Variants in NIPAL2 observed in about 807,000 individuals in gnomAD.
NIPAL2 encodes NIPA like domain containing 2.
NIPAL2 carries 43 observed loss-of-function variants against 48.9 expected under a neutral mutation model. That is an observed-to-expected ratio of 0.88 (90% CI 0.69 to 1.13). The LOEUF (loss-of-function observed/expected upper bound fraction) is 1.13. Among genes scored for constraint, NIPAL2 ranks in the 50% most tolerant of loss-of-function variants. The pLI, the probability that NIPAL2 is intolerant of heterozygous loss-of-function variation, is 0.00. For missense variants in NIPAL2, 446 were observed against 461.4 expected (o/e 0.97, Z 0.31); for synonymous variants, 167 against 174.6 (o/e 0.96, Z 0.34).
chr8:98,213,503 C>A (rs549135998), intron 5 of NIPAL2, among the ~76,000 whole-genome samples: 30 of 152,118 alleles, frequency 2.0e-4, no homozygotes, highest in Non-Finnish European at 1.5e-5. Flanking sequence ...ATCCAAACTC[C>A]CTCCTGGATC....
At chr8:98,272,296 C>T (rs570370033) in intron 1 of NIPAL2, among the ~76,000 whole-genome samples, 22 of 152,144 alleles carry the variant, frequency 1.4e-4, no homozygotes, top group Non-Finnish European at 2.5e-4. Context: ...TCATCAAGAG[C>T]GGAGGTTTTG....
At chr8:98,275,939 A>G (rs1473444658) in intron 1 of NIPAL2, among the ~76,000 whole-genome samples, 1 of 152,120 alleles carries the variant, frequency 6.6e-6, no homozygotes, top group African/African-American at 2.4e-5. Flanking sequence ...TTTAACCAGT[A>G]TTATTTTTTA....
At chr8:98,272,294 A>G (rs1260080316) in intron 1 of NIPAL2, among the ~76,000 whole-genome samples, 1 of 152,178 alleles carries the variant, frequency 6.6e-6, no homozygotes, top group Non-Finnish European at 1.5e-5. Context: ...GATCATCAAG[A>G]GCGGAGGTTT....
intron 1 of NIPAL2, among the ~76,000 whole-genome samples, chr8:98,263,095 A>T (rs971597584): frequency 6.7e-6 from 1 of 148,796 alleles, no homozygotes; most frequent in Non-Finnish European, 1.5e-5. Context: ...ACAAAGACAC[A>T]ACATACCAGA....
At chr8:98,222,216 C>A (rs1225820825) in intron 5 of NIPAL2, among the ~76,000 whole-genome samples, 1 of 151,904 alleles carries the variant, frequency 6.6e-6, no homozygotes, top group African/African-American at 2.4e-5. Context: ...TTTTTTTTTA[C>A]TCTGAGTTTT....
intron 9 of NIPAL2, among the ~76,000 whole-genome samples, chr8:98,195,284 C>T (rs1409577201): frequency 6.6e-6 from 1 of 152,158 alleles, no homozygotes; most frequent in Non-Finnish European, 1.5e-5. Context: ...TGGCTTCCTA[C>T]ACCGAAAATA....
At chr8:98,202,014 T>G (rs1233035878) in intron 8 of NIPAL2, among the ~76,000 whole-genome samples, 2 of 152,200 alleles carry the variant, frequency 1.3e-5, no homozygotes, top group Non-Finnish European at 2.9e-5. Context: ...GATAAGCCAA[T>G]GAATGAGGGC....
intron 1 of NIPAL2, among the ~76,000 whole-genome samples, chr8:98,256,268 C>T (rs761011386): frequency 1.7e-4 from 26 of 152,164 alleles, no homozygotes; most frequent in Admixed American, 1.7e-3. Context: ...AAGTGATCTG[C>T]CTGCCTCAGC....
chr8:98,198,243 G>C (rs1291052985), intron 8 of NIPAL2, among the ~76,000 whole-genome samples: 2 of 152,146 alleles, frequency 1.3e-5, no homozygotes, highest in South Asian at 2.1e-4. Flanking sequence ...TCTTTTTCCT[G>C]GTCAGTAGGT....
chr8:98,224,167 C>T (rs912245864), intron 4 of NIPAL2, among the ~76,000 whole-genome samples: 1 of 152,162 alleles, frequency 6.6e-6, no homozygotes, highest in Non-Finnish European at 1.5e-5. Context: ...GTAGGCAACA[C>T]ATGTATATGG....
chr8:98,191,402 T>C lies in NIPAL2; in HGVS notation c.*1576A>G, dbSNP rs1178921395. On this transcript the variant is annotated 3_prime_UTR_variant, in exon 11 of 11. Coordinates refer to ENST00000430223, the MANE Select transcript of NIPAL2 (RefSeq NM_001321635.2). ...ACACTTGCTACGATGGCGGGAATTA[T>C]TACCAGGAGTTTAGGAGCCAGACAT... 1 of 152,212 alleles carries C rather than the reference T, an allele frequency of 6.6e-6. No individual in the cohort carries two copies. Among genetic ancestry groups the C allele is most frequent in the Non-Finnish European group, 1.5e-5 (1 of 68,034 alleles). 9.4% of individuals were successfully genotyped at this position (152,212 alleles called of 1,614,324 possible).
intron 8 of NIPAL2, among the ~76,000 whole-genome samples, chr8:98,196,606 A>G (rs1810564613): frequency 6.6e-6 from 1 of 152,246 alleles, no homozygotes. Context: ...AGGATGCATC[A>G]TCTACTTTGA....
chr8:98,206,681 G>A (rs553842772), intron 6 of NIPAL2, among the ~76,000 whole-genome samples: 4 of 151,470 alleles, frequency 2.6e-5, no homozygotes, highest in Admixed American at 1.3e-4. Flanking sequence ...CCAGCTACTC[G>A]GGAGGCTGAG....
chr8:98,288,906 C>G (rs980828952), intron 1 of NIPAL2, among the ~76,000 whole-genome samples: 1 of 152,250 alleles, frequency 6.6e-6, no homozygotes, highest in Non-Finnish European at 1.5e-5. Context: ...ACAACCCTCT[C>G]TCTTCCCCAG....
At chr8:98,250,488 T>G (rs938043470) in intron 3 of NIPAL2, among the ~76,000 whole-genome samples, 3 of 152,146 alleles carry the variant, frequency 2.0e-5, no homozygotes, top group African/African-American at 7.2e-5. Flanking sequence ...TAAATCCAGC[T>G]CAGGACTGCC....
chr8:98,247,244 G>A (rs1353082422), intron 3 of NIPAL2, among the ~76,000 whole-genome samples: 1 of 152,114 alleles, frequency 6.6e-6, no homozygotes, highest in Non-Finnish European at 1.5e-5. Context: ...TCCTATCCTT[G>A]TTTTGTCAAA....
At chr8:98,254,192 C>A in intron 1 of NIPAL2, 105 bp from the exon 2 acceptor site, 1 of 804,602 alleles carries the variant, frequency 1.2e-6, no homozygotes, top group Non-Finnish European at 2.0e-6. Flanking sequence ...TCAGCTTTAG[C>A]CTAGCACCCA....
chr8:98,281,437 G>A (rs925502932), intron 1 of NIPAL2, among the ~76,000 whole-genome samples: 3 of 151,978 alleles, frequency 2.0e-5, no homozygotes, highest in Non-Finnish European at 4.4e-5. Flanking sequence ...AGCACAACAG[G>A]GTGACTACAG....
At chr8:98,270,631 A>T (rs1020549338) in intron 1 of NIPAL2, among the ~76,000 whole-genome samples, 3 of 151,740 alleles carry the variant, frequency 2.0e-5, no homozygotes, top group Non-Finnish European at 4.4e-5. Flanking sequence ...GTTTGCAAGT[A>T]TTTTTTTCTT....
Sources: gnomAD v4.1 joint callset for allele counts (sites outside exome capture counted in the v4.1 genomes callset) on GRCh38, gnomAD v4.1.1 for gene constraint, MANE v1.5 for transcripts, NCBI Gene and HGNC (gene_info 2026-07-23, HGNC 2026-07-21) for gene names.